Variants in BIRC6 observed in about 807,000 individuals in gnomAD.
BIRC6 encodes the protein baculoviral IAP repeat containing 6.
In BIRC6, 98 loss-of-function variants were observed where a neutral mutation model predicts 503.3. The observed-to-expected ratio is 0.19, with a 90% confidence interval of 0.17 to 0.23. BIRC6 has a LOEUF of 0.23. Among genes scored for constraint, BIRC6 ranks in the 10% least tolerant of loss-of-function variants. The pLI is 1.00. For synonymous variants in BIRC6, 2,240 were observed against 2,078.7 expected (o/e 1.08, Z -2.11); for missense variants, 5,360 against 5,806.0 (o/e 0.92, Z 2.50).
Position 32,436,141 on chromosome 2 carries a change from G to C in BIRC6, c.3588G>C (p.Gly1196=). The C allele has an allele frequency of 3.4e-6, 5 of 1,483,298 alleles. No individual in the cohort carries two copies. Among genetic ancestry groups the C allele is most frequent in the Non-Finnish European group, 4.5e-6 (5 of 1,101,456 alleles). The allele number at this position is 1,483,298 out of a possible 1,614,324, so 91.9% of individuals were successfully genotyped here. A position where few individuals can be genotyped will look rare whatever the true frequency, so the allele number is the denominator to read the frequency against. The change falls in exon 15 of 74, where the codon GGG becomes GGC. Residue 1196 remains glycine (G), a synonymous_variant. Coordinates refer to ENST00000421745, the MANE Select transcript of BIRC6 (RefSeq NM_016252.4). Reference sequence around the variant, plus strand: ...TTGCTAGTGGCCTTGATCTATCAGGGCATGCTGGAATGTTGACGTTAACAA... The same window carrying C: ...TTGCTAGTGGCCTTGATCTATCAGGCCATGCTGGAATGTTGACGTTAACAA... ...VWLASGLDLS[G]HAGMLTLTSP...
chr2:32,515,429 C>T lies in BIRC6; in HGVS notation c.11008C>T (p.Pro3670Ser). 1.2e-6 allele frequency: 2 copies of T among 1,613,064 alleles called. No individual in the cohort carries two copies. Among genetic ancestry groups the T allele is most frequent in the South Asian group, 1.1e-5 (1 of 91,072 alleles). The change falls in exon 55 of 74, where the codon CCA becomes TCA. Residue 3670 changes from proline to serine, a missense_variant. By Grantham distance (74) the Pro-to-Ser change is moderately conservative. Around this residue, in one of 16 missense-constraint regions of BIRC6, gnomAD observed 878 missense variants for 928.9 expected, o/e 0.95. Coordinates refer to ENST00000421745, the MANE Select transcript of BIRC6 (RefSeq NM_016252.4). ...GGACAAACTCAGGCGCCATCATGTC[C>T]CACAACAATGTAATAAGATGCCTAT... Reference protein sequence around the residue: ...SQDKLRRHHVPQQCNKMPITA... With the variant: ...SQDKLRRHHVSQQCNKMPITA...
intron 6 of BIRC6, 148 bp downstream of exon 6, chr2:32,395,741 A>G (rs550677356): frequency 1.8e-5 from 11 of 613,388 alleles, no homozygotes; most frequent in African/African-American, 3.7e-5. Context: ...AGCCCTGTCT[A>G]TACTCTGGCA....
chr2:32,480,058 T>A (rs1572516410), intron 37 of BIRC6, among the ~76,000 whole-genome samples: 1 of 152,278 alleles, frequency 6.6e-6, no homozygotes. Context: ...TTTTCAAAAG[T>A]CTGTTTTGGG....
chr2:32,454,095 T>A, intron 23 of BIRC6, 153 bp downstream of exon 23: 1 of 287,172 alleles, frequency 3.5e-6, no homozygotes, highest in Non-Finnish European at 5.2e-6. Flanking sequence ...GAAATATAAA[T>A]CGTTTTATAT....
At chr2:32,512,838 A>AAT (rs2054582438) in intron 53 of BIRC6, 95 bp from the exon 54 acceptor site, 1 of 892,894 alleles carries the variant, frequency 1.1e-6, no homozygotes. Flanking sequence ...TATTCTCATA[A>AAT]ATACCCTACT....
intron 10 of BIRC6, among the ~76,000 whole-genome samples, chr2:32,419,738 G>A (rs948229463): frequency 1.3e-5 from 2 of 152,150 alleles, no homozygotes; most frequent in African/African-American, 4.8e-5. Context: ...CTATATACCT[G>A]TACTGATATT....
chr2:32,536,416 C>A (rs527377812), intron 61 of BIRC6, among the ~76,000 whole-genome samples: 4 of 152,258 alleles, frequency 2.6e-5, no homozygotes, highest in South Asian at 2.1e-4. Context: ...CCTAGGTTTT[C>A]TTCTAGGGTT....
intron 23 of BIRC6, among the ~76,000 whole-genome samples, chr2:32,461,362 G>GTGTT (rs2047974082): frequency 6.7e-6 from 1 of 149,676 alleles, no homozygotes; most frequent in Non-Finnish European, 1.5e-5. Flanking sequence ...GTGTGTGTGT[G>GTGTT]TGTGTGTGTG....
intron 63 of BIRC6, among the ~76,000 whole-genome samples, chr2:32,546,467 CTA>C (rs2058059710): frequency 6.6e-6 from 1 of 151,990 alleles, no homozygotes. Context: ...GTAATCCCAG[CTA>C]CTCGGGAGGC....
chr2:32,475,914 T>TG (rs2049708739), intron 33 of BIRC6, among the ~76,000 whole-genome samples: 1 of 152,014 alleles, frequency 6.6e-6, no homozygotes, highest in East Asian at 1.9e-4. Flanking sequence ...TAAAAGTAAA[T>TG]TTTTTTCTCT....
At chr2:32,496,583 A>C (rs571251730) in intron 45 of BIRC6, among the ~76,000 whole-genome samples, 26 of 152,238 alleles carry the variant, frequency 1.7e-4, no homozygotes, top group African/African-American at 5.8e-4. Context: ...TTTATGCATT[A>C]CCTCACTGTC....
intron 65 of BIRC6, among the ~76,000 whole-genome samples, chr2:32,567,755 A>G (rs562857350): frequency 8.5e-5 from 13 of 152,312 alleles, no homozygotes; most frequent in African/African-American, 2.9e-4. Context: ...AAACATCATC[A>G]TATAGAAAAT....
intron 13 of BIRC6, among the ~76,000 whole-genome samples, chr2:32,434,684 A>C (rs1156509733): frequency 1.3e-5 from 2 of 151,992 alleles, no homozygotes; most frequent in African/African-American, 4.8e-5. Flanking sequence ...CATGTCTACA[A>C]AATTTTTTTA....
chr2:32,474,148 A>G (rs963999181), intron 33 of BIRC6, among the ~76,000 whole-genome samples: 1 of 151,922 alleles, frequency 6.6e-6, no homozygotes, highest in Non-Finnish European at 1.5e-5. Context: ...GGCTTTTCAA[A>G]TTTTTTGTTT....
intron 57 of BIRC6, 28 bp downstream of exon 57, chr2:32,518,974 G>A (rs1203707200): frequency 4.4e-6 from 7 of 1,600,364 alleles, no homozygotes; most frequent in Non-Finnish European, 6.0e-6. Context: ...ATTAGTTTTT[G>A]TTTAACTTTA....
intron 1 of BIRC6, among the ~76,000 whole-genome samples, chr2:32,374,689 G>T (rs1227236140): frequency 6.6e-6 from 1 of 151,862 alleles, no homozygotes; most frequent in Non-Finnish European, 1.5e-5. Flanking sequence ...AGCCAGGATG[G>T]TCTCGATCTC....
chr2:32,585,254 C>G (rs1479159472), intron 66 of BIRC6, among the ~76,000 whole-genome samples: 4 of 152,092 alleles, frequency 2.6e-5, no homozygotes, highest in Non-Finnish European at 5.9e-5. Context: ...TGTGAGGACT[C>G]AAAATTTGGT....
intron 6 of BIRC6, among the ~76,000 whole-genome samples, chr2:32,400,883 A>G (rs1212063104): frequency 6.6e-6 from 1 of 152,156 alleles, no homozygotes; most frequent in East Asian, 1.9e-4. Context: ...ATAGCATTGT[A>G]TTGGTTTTTC....
intron 52 of BIRC6, 51 bp from the exon 53 acceptor site, chr2:32,510,475 T>G: frequency 1.9e-6 from 2 of 1,057,218 alleles, no homozygotes; most frequent in South Asian, 2.7e-5. Context: ...AATCTTCCCA[T>G]GGTTAACTTG....
Sources: gnomAD v4.1 joint callset for allele counts (sites outside exome capture counted in the v4.1 genomes callset) on GRCh38, gnomAD v4.1.1 for gene constraint, gnomAD v4.1.1 regional missense constraint, MANE v1.5 for transcripts, NCBI Gene and HGNC (gene_info 2026-07-23, HGNC 2026-07-21) for gene names.